The following TPD52L1 variants were observed in gnomAD, a reference collection of about 807,000 sequenced individuals.
TPD52L1 encodes TPD52 like 1, also known as tumor protein D53.
In TPD52L1, 18 loss-of-function variants were observed where a neutral mutation model predicts 28.7. The ratio of observed to expected loss-of-function variants is 0.63; its 90% CI spans 0.43 to 0.93. TPD52L1 has a LOEUF of 0.93. Among genes scored for constraint, TPD52L1 ranks in the 40% least tolerant of loss-of-function variants. The pLI is 0.00. For synonymous variants in TPD52L1, 75 were observed against 88.8 expected, an observed-to-expected ratio of 0.84 and a Z score of 0.88; for missense variants, 203 against 254.8, an observed-to-expected ratio of 0.80 and a Z score of 1.39.
rs897156526 is a variant in TPD52L1, at chr6:125,187,024, GACAA to G, written c.20-33049_20-33046del. On this transcript the variant is annotated intron_variant, in intron 1 of 6. Transcript: ENST00000534000. ...AAAAAATATATCATCAAATTTAATA[GACAA>G]ACAATAGGTGGGAGAAAGGATTGCA... Among the ~76,000 whole-genome samples the G allele has an allele frequency of 2.6e-4, 40 of 152,114 alleles. 1 individual carries two copies. The highest frequency in any genetic ancestry group is 8.4e-4 in the African/African-American group (35 of 41,512).
chr6:125,236,672 C>A (rs1367881824), intron 3 of TPD52L1, among the ~76,000 whole-genome samples: 2 of 152,206 alleles, frequency 1.3e-5, no homozygotes, highest in Non-Finnish European at 2.9e-5. Context: ...CATGCAAAAG[C>A]CACAGATATT....
intron 1 of TPD52L1, among the ~76,000 whole-genome samples, chr6:125,157,951 A>G (rs1469594785): frequency 6.6e-6 from 1 of 152,142 alleles, no homozygotes; most frequent in East Asian, 1.9e-4. Context: ...GGAGGCTCTA[A>G]GAAAGAAATC....
rs540938082 is a variant in TPD52L1, at chr6:125,157,921, G to A, written c.19+3951G>A. ...ATCACTAGGCTGAAATCAAGGTGTC[G>A]GCAGCGCTGTCCTTCCTCTGGAGGC... On this transcript the variant is annotated intron_variant, in intron 1 of 6. Coordinates refer to ENST00000534000, the MANE Select transcript of TPD52L1 (RefSeq NM_003287.4). Among the ~76,000 whole-genome samples, 7 of 152,174 alleles carry A rather than the reference G, an allele frequency of 4.6e-5. No homozygotes were observed. The East Asian group carries it at 9.7e-4, about 21-fold the overall frequency.
chr6:125,219,065 G>A (rs1383663608), intron 1 of TPD52L1, among the ~76,000 whole-genome samples: 1 of 152,140 alleles, frequency 6.6e-6, no homozygotes, highest in African/African-American at 2.4e-5. Context: ...CAGTGCTCAG[G>A]CCGGTGGGAG....
intron 1 of TPD52L1, among the ~76,000 whole-genome samples, chr6:125,199,916 A>G (rs1220666413): frequency 2.0e-5 from 3 of 152,200 alleles, no homozygotes; most frequent in African/African-American, 7.2e-5. Flanking sequence ...GTTCCATTAC[A>G]TTAGGGGAAG....
chr6:125,220,469 G>A (rs1489440684), intron 2 of TPD52L1, among the ~76,000 whole-genome samples: 2 of 152,058 alleles, frequency 1.3e-5, no homozygotes, highest in East Asian at 3.9e-4. Context: ...TCTTTTTACT[G>A]TCAGAATACT....
chr6:125,205,691 A>G (rs923150614), intron 1 of TPD52L1, among the ~76,000 whole-genome samples: 1 of 152,218 alleles, frequency 6.6e-6, no homozygotes, highest in African/African-American at 2.4e-5. Context: ...GTTGGGTACC[A>G]TATACTTTCT....
intron 3 of TPD52L1, 116 bp from the exon 4 acceptor site, chr6:125,248,166 T>A: frequency 1.2e-6 from 1 of 833,320 alleles, no homozygotes; most frequent in Non-Finnish European, 1.9e-6. Context: ...GTTTTGTGGA[T>A]CTTCTTCCTA....
At position 125,263,163 on chromosome 6, in the gene TPD52L1, G is replaced by T. The variant is rs765112877; in HGVS notation, c.*201G>T. ...TGGACCACTTGACCATCACATTTCA[G>T]TATTCATAGATGACTGTCACATTTT... On this transcript the variant is annotated 3_prime_UTR_variant, in exon 7 of 7. Coordinates refer to ENST00000534000, the MANE Select transcript of TPD52L1 (RefSeq NM_003287.4). 1 of 605,750 alleles carries T rather than the reference G, an allele frequency of 1.7e-6. No homozygotes were observed. The highest frequency in any genetic ancestry group is 2.3e-5 in the South Asian group (1 of 44,364). The allele number at this position is 605,750 out of a possible 1,614,324, so 37.5% of individuals were successfully genotyped here.
chr6:125,259,722 G>T (rs1368508239), intron 6 of TPD52L1, among the ~76,000 whole-genome samples: 1 of 152,192 alleles, frequency 6.6e-6, no homozygotes, highest in Non-Finnish European at 1.5e-5. Context: ...AAAGAAAAGG[G>T]GGGCAAGTTG....
intron 3 of TPD52L1, chr6:125,234,264 G>A (rs1008424661): frequency 1.3e-5 from 2 of 152,214 alleles, no homozygotes; most frequent in African/African-American, 4.8e-5. Flanking sequence ...TTTGAGCCTT[G>A]TTGGGAAGTG....
chr6:125,247,999 G>T (rs1439628785), intron 3 of TPD52L1, among the ~76,000 whole-genome samples: 5 of 152,172 alleles, frequency 3.3e-5, no homozygotes, highest in African/African-American at 1.2e-4. Context: ...TCTGCTCACT[G>T]AGCAGTTCCA....
chr6:125,204,848 C>T (rs1029039002), intron 1 of TPD52L1, among the ~76,000 whole-genome samples: 4 of 152,052 alleles, frequency 2.6e-5, no homozygotes, highest in African/African-American at 4.8e-5. Context: ...AAATTATTCC[C>T]CAAATATTTA....
chr6:125,193,866 G>T (rs1793225145), intron 1 of TPD52L1, among the ~76,000 whole-genome samples: 2 of 152,002 alleles, frequency 1.3e-5, no homozygotes, highest in Non-Finnish European at 2.9e-5. Context: ...GGGCTTTGGT[G>T]GTCATGAAGC....
intron 1 of TPD52L1, chr6:125,154,277 G>T (rs1260899287): frequency 8.3e-7 from 1 of 1,204,454 alleles, no homozygotes. Context: ...CCTCGCGGCT[G>T]CCCGAAGGAC....
chr6:125,161,408 T>C (rs1484035811), intron 1 of TPD52L1, among the ~76,000 whole-genome samples: 1 of 152,210 alleles, frequency 6.6e-6, no homozygotes, highest in Non-Finnish European at 1.5e-5. Flanking sequence ...CTACGTTTCT[T>C]TCAAGAACTT....
rs554746425 is a variant in TPD52L1, at chr6:125,154,165, T to G, written c.19+195T>G. 12 of 1,380,454 alleles carry G rather than the reference T, an allele frequency of 8.7e-6. No individual in the cohort carries two copies. The South Asian group carries it at 1.7e-4, about 19-fold the overall frequency. 85.5% of individuals were successfully genotyped at this position (1,380,454 alleles called of 1,614,324 possible). On this transcript the variant is annotated intron_variant, in intron 1 of 6. Transcript: ENST00000534000. ...GATTTGCTGTGGGTCTGGGGATCAATAAAGTGACAGGGGATCCGTAAGTGG... is the reference window on the plus strand; with the variant it reads ...GATTTGCTGTGGGTCTGGGGATCAAGAAAGTGACAGGGGATCCGTAAGTGG...
intron 1 of TPD52L1, among the ~76,000 whole-genome samples, chr6:125,204,386 C>T (rs1216803620): frequency 1.3e-5 from 2 of 152,148 alleles, no homozygotes; most frequent in Non-Finnish European, 2.9e-5. Context: ...ATTTGCTACC[C>T]TTGTTAATGG....
Position 125,263,152 on chromosome 6 carries a change from A to G in TPD52L1, c.*190A>G. 1 of 644,472 alleles carries G rather than the reference A, an allele frequency of 1.6e-6. No homozygotes were observed. The highest frequency in any genetic ancestry group is 2.6e-6 in the Non-Finnish European group (1 of 391,732). The allele number at this position is 644,472 out of a possible 1,614,324, so 39.9% of individuals were successfully genotyped here. A position where few individuals can be genotyped will look rare whatever the true frequency, so the allele number is the denominator to read the frequency against. On this transcript the variant is annotated 3_prime_UTR_variant, in exon 7 of 7. Transcript: ENST00000534000. Reference sequence around the variant, plus strand: ...TGTGTTGATGATGGACCACTTGACCATCACATTTCAGTATTCATAGATGAC... The same window carrying G: ...TGTGTTGATGATGGACCACTTGACCGTCACATTTCAGTATTCATAGATGAC...
Sources: gnomAD v4.1 joint callset for allele counts (sites outside exome capture counted in the v4.1 genomes callset) on GRCh38, gnomAD v4.1.1 for gene constraint, MANE v1.5 for transcripts, NCBI Gene and HGNC (gene_info 2026-07-23, HGNC 2026-07-21) for gene names.